The following PIEZO1 variants were observed in gnomAD, a reference collection of about 807,000 sequenced individuals.
The protein encoded by PIEZO1 is piezo-type mechanosensitive ion channel component 1.
Under a neutral mutation model 297.2 loss-of-function variants are expected in PIEZO1, and 296 were observed. The ratio of observed to expected loss-of-function variants is 1.00; its 90% CI spans 0.91 to 1.10. PIEZO1 has a LOEUF of 1.10. Ranked by LOEUF, PIEZO1 falls within the 50% of genes least tolerant of loss-of-function variation. The probability of loss-of-function intolerance (pLI) is 0.00; values close to 1 mark genes in which losing one functional copy is unlikely to be tolerated. For synonymous variants in PIEZO1, 2,427 were observed against 1,507.5 expected (o/e 1.61, Z -14.13); for missense variants, 5,018 against 3,455.5 (o/e 1.45, Z -11.34).
In PIEZO1 at chr16:88,731,695, G is replaced by T; in HGVS notation, c.3196+11C>A. The T allele has an allele frequency of 1.9e-6, 3 of 1,546,850 alleles. No homozygotes were observed. Among genetic ancestry groups the T allele is most frequent in the Non-Finnish European group, 1.7e-6 (2 of 1,144,680 alleles). On this transcript the variant is annotated intron_variant, in intron 22 of 50. Coordinates refer to ENST00000301015, the MANE Select transcript of PIEZO1 (RefSeq NM_001142864.4). ...CAAAGCCCACTCCCACCCAAGCCAC[G>T]TGCCCCTCACCAATGCACAGGGCCG... is the stretch of plus-strand genomic sequence containing the variant.
intron 1 of PIEZO1, among the ~76,000 whole-genome samples, chr16:88,772,307 G>A (rs1267308854): frequency 6.6e-6 from 1 of 152,238 alleles, no homozygotes; most frequent in Non-Finnish European, 1.5e-5. Flanking sequence ...AGTGAGCCGG[G>A]GGTTGGGACA....
At position 88,719,846 on chromosome 16, in the gene PIEZO1, G is replaced by A. The variant is rs1220269760; in HGVS notation, c.6279C>T (p.Phe2093=). 1.9e-6 allele frequency: 3 copies of A among 1,550,572 alleles called. No individual in the cohort carries two copies. Among genetic ancestry groups the A allele is most frequent in the Middle Eastern group, 1.7e-4 (1 of 5,992 alleles). ...CGYPTRILGN[F]LTKKYNHLNL... is the part of the protein sequence containing the mutation. Reference sequence around the variant, plus strand: ...TGAGATGATTGTACTTCTTGGTGAGGAAGTTGCCGAGGATGCGGGTGGGGT... The same window carrying A: ...TGAGATGATTGTACTTCTTGGTGAGAAAGTTGCCGAGGATGCGGGTGGGGT... The change falls in exon 43 of 51, where the codon TTC becomes TTT. Residue 2093 remains phenylalanine, a synonymous_variant. Transcript: ENST00000301015.
intron 1 of PIEZO1, among the ~76,000 whole-genome samples, chr16:88,771,237 G>C (rs1907412291): frequency 6.6e-6 from 1 of 152,130 alleles, no homozygotes; most frequent in African/African-American, 2.4e-5. Context: ...ACCCCCCCTT[G>C]GGAGGTCCAG....
At chr16:88,741,723 C>G (rs8053925) in intron 4 of PIEZO1, 107 bp from the exon 5 acceptor site, 3 of 617,192 alleles carry the variant, frequency 4.9e-6, no homozygotes, top group Non-Finnish European at 8.3e-6. Flanking sequence ...TCTCCAGGTG[C>G]GGGTGGGAGT....
rs769439251 is a variant in PIEZO1 at position 88,715,409 on chromosome 16, G to A, written c.*196C>T. ...AAACTCTACAGTACACGTGGGGGAC[G>A]GCAGCGCCACGCAGGCCGTGGGGAC... On this transcript the variant is annotated 3_prime_UTR_variant, in exon 51 of 51. Transcript: ENST00000301015. 5.4e-5 allele frequency: 52 copies of A among 967,452 alleles called. No homozygotes were observed. The highest frequency in any genetic ancestry group is 6.9e-5 in the Non-Finnish European group (46 of 665,300). 59.9% of individuals were successfully genotyped at this position (967,452 alleles called of 1,614,324 possible).
chr16:88,734,228 G>A (rs1597457673), intron 16 of PIEZO1, 128 bp downstream of exon 16: 1 of 1,188,742 alleles, frequency 8.4e-7, no homozygotes, highest in East Asian at 2.6e-5. Context: ...CCATCCCCTT[G>A]GTATGAGCAA....
intron 1 of PIEZO1, among the ~76,000 whole-genome samples, chr16:88,770,368 G>T (rs528905039): frequency 6.6e-6 from 1 of 152,342 alleles, no homozygotes; most frequent in East Asian, 1.9e-4. Flanking sequence ...TATGGACTTG[G>T]GAGCTGGCTC....
At chr16:88,742,684 C>T (rs766029398) in intron 2 of PIEZO1, 5 of 486,360 alleles carry the variant, frequency 1.0e-5, no homozygotes, top group Non-Finnish European at 1.5e-5. Context: ...AGGAAAAGGC[C>T]TCCCAGGCTC....
Position 88,734,888 on chromosome 16 carries a change from A to G in PIEZO1, c.1835T>C (p.Leu612Pro), listed in dbSNP as rs1278951025. ...IVYMFLFLLC[L>P]TLFQVYYSLW... Reference sequence around the variant, plus strand: ...CCCCCCAGCCACCTGGAAGAGGGTGAGGCAGAGCAGGAAGAGGAACATGTA... The same window carrying G: ...CCCCCCAGCCACCTGGAAGAGGGTGGGGCAGAGCAGGAAGAGGAACATGTA... Residue 612 changes from leucine (L) to proline (P), a missense_variant, in exon 14 of 51, where the codon CTC becomes CCC. Leu to Pro is a moderately conservative substitution (Grantham distance 98). Coordinates refer to ENST00000301015, the MANE Select transcript of PIEZO1 (RefSeq NM_001142864.4). The G allele has an allele frequency of 1.9e-6, 3 of 1,549,980 alleles. No homozygotes were observed. The South Asian group carries it at 3.6e-5, about 18-fold the overall frequency.
In PIEZO1 at chr16:88,733,304, G is replaced by C; in HGVS notation, c.2638C>G (p.Gln880Glu). 6.5e-7 allele frequency: 1 copy of C among 1,547,964 alleles called. No individual in the cohort carries two copies. The highest frequency in any genetic ancestry group is 8.7e-7 in the Non-Finnish European group (1 of 1,144,944). The change falls in exon 19 of 51, where the codon CAG becomes GAG. Residue 880 changes from glutamine to glutamate, a missense_variant. By Grantham distance (29) the Gln-to-Glu change is conservative (BLOSUM62 2). Coordinates refer to ENST00000301015, the MANE Select transcript of PIEZO1 (RefSeq NM_001142864.4). ...MLYQLKVVNP[Q>E]EYSSNCTEPF... ...TCGGTGCAGTTGCTGGAATACTCCT[G>C]GGGGTTGACAACCTTGAGCTGGTAC...
chr16:88,768,517 A>G (rs1907278213), intron 1 of PIEZO1, among the ~76,000 whole-genome samples: 1 of 152,196 alleles, frequency 6.6e-6, no homozygotes, highest in South Asian at 2.1e-4. Context: ...TTTTATGGAA[A>G]ACTAATCCAA....
chr16:88,753,093 G>A (rs1316801136), intron 1 of PIEZO1, among the ~76,000 whole-genome samples: 2 of 42,648 alleles, frequency 4.7e-5, no homozygotes, highest in Non-Finnish European at 1.1e-4. Flanking sequence ...CGCCCCCAGA[G>A]CACACCCACC....
Position 88,721,920 on chromosome 16 carries a change from A to G in PIEZO1, c.5102T>C (p.Val1701Ala). ...CACCAGCGAGCCGGCGGAGGCCGTG[A>G]CCATGTGGTTGAGGATGATGATGAA... ...CYFIIILNHMVTASAGSLVLP... is the reference protein window; with the variant it reads ...CYFIIILNHMATASAGSLVLP... The change falls in exon 37 of 51, where the codon GTC becomes GCC. Residue 1701 changes from valine (V) to alanine (A), a missense_variant. Transcript: ENST00000301015. 1 of 1,550,198 alleles carries G rather than the reference A, an allele frequency of 6.5e-7. No individual in the cohort carries two copies. Among genetic ancestry groups the G allele is most frequent in the African/African-American group, 1.4e-5 (1 of 73,164 alleles).
chr16:88,726,689 T>TGG, intron 25 of PIEZO1, 26 bp downstream of exon 25: 1 of 1,470,108 alleles, frequency 6.8e-7, no homozygotes, highest in Non-Finnish European at 9.1e-7. Context: ...CCCAGGGCGG[T>TGG]GGGTGCGGGG....
intron 1 of PIEZO1, among the ~76,000 whole-genome samples, chr16:88,778,863 G>T (rs1907796219): frequency 6.6e-6 from 1 of 152,310 alleles, no homozygotes; most frequent in East Asian, 1.9e-4. Flanking sequence ...GAGGCACAAG[G>T]CTGTGGCCCA....
chr16:88,768,994 CCA>C (rs1232891612), intron 1 of PIEZO1, among the ~76,000 whole-genome samples: 1 of 152,232 alleles, frequency 6.6e-6, no homozygotes, highest in Non-Finnish European at 1.5e-5. Context: ...ACTGCAAAGG[CCA>C]CACACTGAAG....
At position 88,719,963 on chromosome 16, in the gene PIEZO1, G is replaced by A; in HGVS notation, c.6165-3C>T. The A allele has an allele frequency of 1.3e-6, 2 of 1,550,216 alleles. No homozygotes were observed. The highest frequency in any genetic ancestry group is 1.7e-6 in the Non-Finnish European group (2 of 1,146,888). ...CCACCACATTCTGGTTGAACATCCT[G>A]GGGCGGGATGGCCAGGTCAAGGACC... On this transcript the variant is annotated splice_polypyrimidine_tract_variant and splice_region_variant and intron_variant, in intron 42 of 50. Transcript: ENST00000301015.
chr16:88,783,970 C>G (rs754612835), intron 1 of PIEZO1, among the ~76,000 whole-genome samples: 4 of 152,274 alleles, frequency 2.6e-5, no homozygotes, highest in Non-Finnish European at 5.9e-5. Context: ...AACCGTCCCA[C>G]TTGTCCGTGG....
At chr16:88,770,031 G>C (rs919447971) in intron 1 of PIEZO1, among the ~76,000 whole-genome samples, 1 of 152,184 alleles carries the variant, frequency 6.6e-6, no homozygotes, top group Non-Finnish European at 1.5e-5. Context: ...CCTGAGAGAG[G>C]AAGTGAGGGA....
Sources: gnomAD v4.1 joint callset for allele counts (sites outside exome capture counted in the v4.1 genomes callset) on GRCh38, gnomAD v4.1.1 for gene constraint, MANE v1.5 for transcripts, NCBI Gene and HGNC (gene_info 2026-07-23, HGNC 2026-07-21) for gene names.